Variants in NRG2 observed in about 807,000 individuals in gnomAD.
The protein encoded by NRG2 is pro-neuregulin-2, membrane-bound isoform.
A neutral mutation model predicts 73.9 loss-of-function variants in NRG2; 27 were observed. The observed-to-expected ratio is 0.37, with a 90% confidence interval of 0.27 to 0.50. The LOEUF is 0.50. NRG2 is among the 20% of genes least tolerant of loss of function. NRG2 has a pLI of 0.96. For synonymous variants in NRG2, 532 were observed against 541.0 expected, an observed-to-expected ratio of 0.98 and a Z score of 0.23; for missense variants, 1,126 against 1,210.1, an observed-to-expected ratio of 0.93 and a Z score of 1.03.
intron 1 of NRG2, among the ~76,000 whole-genome samples, chr5:139,958,178 C>A (rs1432309528): frequency 1.3e-5 from 2 of 152,022 alleles, no homozygotes; most frequent in African/African-American, 2.4e-5. Flanking sequence ...GTGAAATAGG[C>A]AAAGACCACT....
At chr5:140,007,417 A>G (rs1016520781) in intron 1 of NRG2, among the ~76,000 whole-genome samples, 1 of 151,964 alleles carries the variant, frequency 6.6e-6, no homozygotes, top group Non-Finnish European at 1.5e-5. Flanking sequence ...GAAATTGCTC[A>G]TTTCACTCCA....
intron 1 of NRG2, among the ~76,000 whole-genome samples, chr5:139,942,463 C>A (rs1753472991): frequency 1.3e-5 from 2 of 152,174 alleles, no homozygotes; most frequent in South Asian, 4.1e-4. Context: ...TCAGGTTGTA[C>A]TGAGTTAGTG....
At chr5:139,999,926 G>C (rs1758306536) in intron 1 of NRG2, among the ~76,000 whole-genome samples, 1 of 152,206 alleles carries the variant, frequency 6.6e-6, no homozygotes, top group South Asian at 2.1e-4. Flanking sequence ...GGGAAAACAA[G>C]CAGGAAGAAA....
chr5:139,925,137 G>C (rs1751957332), intron 1 of NRG2, among the ~76,000 whole-genome samples: 1 of 152,204 alleles, frequency 6.6e-6, no homozygotes, highest in African/African-American at 2.4e-5. Flanking sequence ...GAGTGTGTCA[G>C]TTCATCCATA....
chr5:139,896,645 G>A (rs1764558417), intron 1 of NRG2, among the ~76,000 whole-genome samples: 1 of 152,160 alleles, frequency 6.6e-6, no homozygotes, highest in South Asian at 2.1e-4. Context: ...TCCTTCTCCT[G>A]GATTTCCTCT....
Position 139,855,673 on chromosome 5 carries a change from C to T in NRG2, c.1292+3G>A. 1 of 1,612,758 alleles carries T rather than the reference C, an allele frequency of 6.2e-7. No homozygotes were observed. Among genetic ancestry groups the T allele is most frequent in the Non-Finnish European group, 8.5e-7 (1 of 1,178,842 alleles). On this transcript the variant is annotated splice_donor_region_variant and intron_variant, in intron 6 of 9. Transcript: ENST00000361474. Reference sequence around the variant, plus strand: ...GTCCCCAGCTTGAGTGACTGACACTCACTTGGTCTTGCAGTAGGCCACCAC... The same window carrying T: ...GTCCCCAGCTTGAGTGACTGACACTTACTTGGTCTTGCAGTAGGCCACCAC...
At chr5:139,912,977 C>T (rs1375484405) in intron 1 of NRG2, among the ~76,000 whole-genome samples, 3 of 152,178 alleles carry the variant, frequency 2.0e-5, no homozygotes, top group Admixed American at 1.3e-4. Context: ...TCAGCTGCTG[C>T]TCTACAGCTG....
chr5:140,029,231 G>T (rs1760942264), intron 1 of NRG2, among the ~76,000 whole-genome samples: 1 of 152,138 alleles, frequency 6.6e-6, no homozygotes, highest in South Asian at 2.1e-4. Flanking sequence ...TAGAAACTGG[G>T]ACTCAAAAAA....
At chr5:139,886,884 GCTCT>G (rs1763906904) in intron 2 of NRG2, among the ~76,000 whole-genome samples, 3 of 152,206 alleles carry the variant, frequency 2.0e-5, no homozygotes, top group African/African-American at 7.2e-5. Context: ...CCCTTACCTA[GCTCT>G]CTGACAACTG....
chr5:140,008,771 T>G lies in NRG2; in HGVS notation c.700+33599A>C, dbSNP rs1759121465. ...CAACTGGTGAGTTCAAAAAAATAAA[T>G]GCATGAAACAAGGAGGTATAGTACT... On this transcript the variant is annotated intron_variant, in intron 1 of 9. Coordinates refer to ENST00000361474, the MANE Select transcript of NRG2 (RefSeq NM_004883.3). The surrounding 1 kb of genome is among the most constrained non-coding windows in gnomAD (Gnocchi z 4.2). 6.6e-6 allele frequency among the ~76,000 whole-genome samples: 1 copy of G among 152,088 alleles called. No individual in the cohort carries two copies. The highest frequency in any genetic ancestry group is 1.5e-5 in the Non-Finnish European group (1 of 67,996).
chr5:139,968,215 G>C (rs1755693899), intron 1 of NRG2, among the ~76,000 whole-genome samples: 1 of 152,088 alleles, frequency 6.6e-6, no homozygotes, highest in African/African-American at 2.4e-5. Context: ...CACCATGCCT[G>C]CCCGCCCGGC....
At chr5:139,980,706 C>A (rs1756731378) in intron 1 of NRG2, among the ~76,000 whole-genome samples, 1 of 152,196 alleles carries the variant, frequency 6.6e-6, no homozygotes, top group Non-Finnish European at 1.5e-5. Context: ...CACCTGAACA[C>A]CAGCACTAAT....
intron 1 of NRG2, among the ~76,000 whole-genome samples, chr5:139,982,555 C>G (rs72796733): frequency 6.6e-6 from 1 of 152,234 alleles, no homozygotes; most frequent in Admixed American, 6.5e-5. Context: ...TTCTTCAAGT[C>G]GTAGTCAATT....
chr5:139,953,163 C>T (rs931232495), intron 1 of NRG2, among the ~76,000 whole-genome samples: 8 of 152,172 alleles, frequency 5.3e-5, no homozygotes, highest in Middle Eastern at 3.4e-3. Context: ...GGGCTGTGGC[C>T]GCCCTTGTGC....
rs1759092917 is a variant in NRG2 at position 140,008,560 on chromosome 5, G to T, written c.700+33810C>A. Among the ~76,000 whole-genome samples, 1 of 152,172 alleles carries T rather than the reference G, an allele frequency of 6.6e-6. No individual in the cohort carries two copies. Among genetic ancestry groups the T allele is most frequent in the Non-Finnish European group, 1.5e-5 (1 of 68,034 alleles). Reference sequence around the variant, plus strand: ...AGCTCATCTTTACCTGAGCTAGCTTGGGAGATTCTAACTTTGGCTTGTGAC... The same window carrying T: ...AGCTCATCTTTACCTGAGCTAGCTTTGGAGATTCTAACTTTGGCTTGTGAC... On this transcript the variant is annotated intron_variant, in intron 1 of 9. Coordinates refer to ENST00000361474, the MANE Select transcript of NRG2 (RefSeq NM_004883.3). The surrounding 1 kb of genome is among the most constrained non-coding windows in gnomAD (Gnocchi z 4.2).
chr5:139,965,955 A>G (rs1755479391), intron 1 of NRG2, among the ~76,000 whole-genome samples: 1 of 151,970 alleles, frequency 6.6e-6, no homozygotes, highest in South Asian at 2.1e-4. Flanking sequence ...TTTTCTTCCT[A>G]GGACTTTTCA....
intron 1 of NRG2, among the ~76,000 whole-genome samples, chr5:140,023,895 C>T (rs1185032490): frequency 5.3e-5 from 8 of 152,096 alleles, no homozygotes; most frequent in Non-Finnish European, 8.8e-5. Context: ...ATTGGTTTCT[C>T]GGGAATATCA....
chr5:139,953,298 C>T (rs548691453), intron 1 of NRG2, among the ~76,000 whole-genome samples: 2 of 152,228 alleles, frequency 1.3e-5, no homozygotes, highest in South Asian at 4.2e-4. Flanking sequence ...GGTTAACGGA[C>T]CTGGGGAAGG....
At chr5:139,967,453 T>C (rs1561715724) in intron 1 of NRG2, among the ~76,000 whole-genome samples, 1 of 152,198 alleles carries the variant, frequency 6.6e-6, no homozygotes. Flanking sequence ...GGTGGCCAAA[T>C]GTACCAGACA....
Sources: gnomAD v4.1 joint callset for allele counts (sites outside exome capture counted in the v4.1 genomes callset) on GRCh38, gnomAD v4.1.1 for gene constraint, Gnocchi (gnomAD v3.1) non-coding constraint, MANE v1.5 for transcripts, NCBI Gene and HGNC (gene_info 2026-07-23, HGNC 2026-07-21) for gene names.